Variants in MTUS2 observed in about 807,000 individuals in gnomAD.
MTUS2 encodes microtubule associated scaffold protein 2, also known as microtubule-associated tumor suppressor candidate 2.
MTUS2 carries 40 observed loss-of-function variants against 114.1 expected under a neutral mutation model. The observed-to-expected ratio is 0.35, with a 90% CI of 0.27 to 0.46. The LOEUF (loss-of-function observed/expected upper bound fraction) is 0.46. MTUS2 is among the 20% of genes least tolerant of loss of function. The probability of loss-of-function intolerance (pLI) is 1.00; values close to 1 mark genes in which losing one functional copy is unlikely to be tolerated. For synonymous variants in MTUS2, 688 were observed against 672.0 expected (o/e 1.02, Z -0.37); for missense variants, 1,679 against 1,705.4 (o/e 0.98, Z 0.27).
At chr13:28,955,512 G>A (rs973155650) in intron 2 of MTUS2, among the ~76,000 whole-genome samples, 36 of 152,306 alleles carry the variant, frequency 2.4e-4, no homozygotes, top group Admixed American at 2.0e-3. Flanking sequence ...GGTCTCTGAT[G>A]TAAGTGAGGG....
chr13:28,851,004 G>A (rs1876231022), intron 2 of MTUS2, among the ~76,000 whole-genome samples: 3 of 152,146 alleles, frequency 2.0e-5, no homozygotes, highest in South Asian at 4.1e-4. Flanking sequence ...GGGGAATATC[G>A]CTGTTAAATG....
At chr13:28,952,853 C>A (rs1453996605) in intron 2 of MTUS2, among the ~76,000 whole-genome samples, 1 of 152,042 alleles carries the variant, frequency 6.6e-6, no homozygotes, top group South Asian at 2.1e-4. Flanking sequence ...CTTTTGTTTT[C>A]TTTTTTGCCA....
At chr13:29,055,476 AAC>A in intron 4 of MTUS2, among the ~76,000 whole-genome samples, 1 of 152,218 alleles carries the variant, frequency 6.6e-6, no homozygotes, top group South Asian at 2.1e-4. Context: ...CCAGGTGATA[AAC>A]ACAGTAGCCT....
At chr13:29,003,372 A>C (rs1180970937) in intron 2 of MTUS2, among the ~76,000 whole-genome samples, 1 of 152,224 alleles carries the variant, frequency 6.6e-6, no homozygotes, top group Non-Finnish European at 1.5e-5. Flanking sequence ...CAGGGAGTCC[A>C]TGCCCTTAGC....
At chr13:29,297,395 T>C (rs1898995728) in intron 6 of MTUS2, among the ~76,000 whole-genome samples, 1 of 152,210 alleles carries the variant, frequency 6.6e-6, no homozygotes, top group Non-Finnish European at 1.5e-5. Flanking sequence ...TCTTAGGGCT[T>C]TGTATATTCA....
intron 2 of MTUS2, among the ~76,000 whole-genome samples, chr13:28,997,513 G>A (rs931590286): frequency 2.6e-5 from 4 of 152,188 alleles, no homozygotes; most frequent in African/African-American, 9.7e-5. Flanking sequence ...CATTATTATT[G>A]TTTGGGAGCC....
intron 5 of MTUS2, among the ~76,000 whole-genome samples, chr13:29,213,887 T>G (rs1386558172): frequency 1.3e-5 from 2 of 152,180 alleles, no homozygotes; most frequent in African/African-American, 4.8e-5. Context: ...TCTTTTCTTT[T>G]GTTTTCCCTG....
At chr13:29,394,766 G>A (rs1433477671) in intron 8 of MTUS2, among the ~76,000 whole-genome samples, 1 of 152,210 alleles carries the variant, frequency 6.6e-6, no homozygotes, top group African/African-American at 2.4e-5. Context: ...TACCTCCTGA[G>A]CTCTGCCTCC....
intron 2 of MTUS2, among the ~76,000 whole-genome samples, chr13:28,903,401 T>C (rs1457058689): frequency 7.0e-6 from 1 of 142,962 alleles, no homozygotes; most frequent in South Asian, 2.5e-4. Flanking sequence ...CTCCTAATGC[T>C]ATCCCTCCCC....
chr13:28,994,123 T>C (rs142792016), intron 2 of MTUS2, among the ~76,000 whole-genome samples: 7,404 of 152,172 alleles, frequency 0.049, 228 homozygotes, highest in South Asian at 0.07. Flanking sequence ...CATTGTTCAA[T>C]TACCACCTAT....
chr13:29,220,137 A>G (rs922118265), intron 5 of MTUS2, among the ~76,000 whole-genome samples: 1 of 152,008 alleles, frequency 6.6e-6, no homozygotes, highest in Non-Finnish European at 1.5e-5. Flanking sequence ...CTGGGGTTAC[A>G]GGCACCCGCC....
intron 2 of MTUS2, among the ~76,000 whole-genome samples, chr13:28,857,241 C>G (rs931925612): frequency 2.6e-5 from 4 of 152,186 alleles, no homozygotes; most frequent in Admixed American, 6.5e-5. Flanking sequence ...GATGATAGAT[C>G]TAGAAGACAA....
chr13:29,307,870 C>G, intron 6 of MTUS2: 1 of 591,532 alleles, frequency 1.7e-6, no homozygotes, highest in South Asian at 1.8e-5. Flanking sequence ...CCCCTCCACA[C>G]TGAGAATCCC....
intron 4 of MTUS2, among the ~76,000 whole-genome samples, chr13:29,060,440 T>C (rs1239057119): frequency 6.6e-6 from 1 of 151,826 alleles, no homozygotes; most frequent in Non-Finnish European, 1.5e-5. Context: ...CTCTCTTGGC[T>C]CCATGTTGAG....
chr13:29,455,874 A>G (rs2388081), intron 9 of MTUS2, among the ~76,000 whole-genome samples: 76,005 of 151,914 alleles, frequency 0.5, 21,241 homozygotes, highest in Admixed American at 0.65. Flanking sequence ...CCAGCTGCTC[A>G]GGAGGCTGAG....
At chr13:29,153,317 CAG>C (rs1892732674) in intron 5 of MTUS2, among the ~76,000 whole-genome samples, 1 of 152,136 alleles carries the variant, frequency 6.6e-6, no homozygotes, top group African/African-American at 2.4e-5. Flanking sequence ...ACAGACATAA[CAG>C]AATTTTTAAC....
intron 2 of MTUS2, among the ~76,000 whole-genome samples, chr13:28,981,402 A>C (rs1025256448): frequency 3.4e-4 from 52 of 152,278 alleles, no homozygotes; most frequent in African/African-American, 1.1e-3. Context: ...GGCTGAGGGC[A>C]CAGGGAGGGT....
intron 2 of MTUS2, among the ~76,000 whole-genome samples, chr13:28,856,125 G>C (rs965967928): frequency 6.6e-6 from 1 of 152,282 alleles, no homozygotes; most frequent in Admixed American, 6.5e-5. Context: ...AGTTGTGAGA[G>C]AAAAGATGTT....
intron 6 of MTUS2, among the ~76,000 whole-genome samples, chr13:29,320,911 G>A (rs1900225958): frequency 6.6e-6 from 1 of 152,218 alleles, no homozygotes; most frequent in Admixed American, 6.5e-5. Context: ...AGATATGGTA[G>A]GATGAGGAAG....
Sources: gnomAD v4.1 joint callset for allele counts (sites outside exome capture counted in the v4.1 genomes callset) on GRCh38, gnomAD v4.1.1 for gene constraint, MANE v1.5 for transcripts, NCBI Gene and HGNC (gene_info 2026-07-23, HGNC 2026-07-21) for gene names.